The following AMPH variants were observed in gnomAD, a reference collection of about 807,000 sequenced individuals.
The protein encoded by AMPH is amphiphysin (Stiff-Mann syndrome with breast cancer 128kD autoantigen).
A neutral mutation model predicts 99.1 loss-of-function variants in AMPH; 49 were observed. The observed-to-expected ratio is 0.49, with a 90% CI of 0.39 to 0.63. AMPH has a LOEUF of 0.63. Ranked by LOEUF, AMPH falls within the 20% of genes least tolerant of loss-of-function variation. The probability of loss-of-function intolerance (pLI) is 0.00; values close to 1 mark genes in which losing one functional copy is unlikely to be tolerated. For synonymous variants in AMPH, 314 were observed against 317.3 expected (o/e 0.99, Z 0.11); for missense variants, 759 against 863.4 (o/e 0.88, Z 1.52).
At chr7:38,455,512 C>T (rs1295651809) in intron 11 of AMPH, among the ~76,000 whole-genome samples, 1 of 152,166 alleles carries the variant, frequency 6.6e-6, no homozygotes, top group Non-Finnish European at 1.5e-5. Flanking sequence ...TGGGATTCAA[C>T]AGAGAAGTGA....
At chr7:38,516,035 A>G (rs1789726344) in intron 2 of AMPH, among the ~76,000 whole-genome samples, 1 of 152,246 alleles carries the variant, frequency 6.6e-6, no homozygotes, top group Admixed American at 6.5e-5. Context: ...ATGAGCAAAG[A>G]AATGACCTGA....
At chr7:38,401,230 A>G (rs1784831825) in intron 17 of AMPH, among the ~76,000 whole-genome samples, 1 of 152,256 alleles carries the variant, frequency 6.6e-6, no homozygotes, top group Non-Finnish European at 1.5e-5. Flanking sequence ...TCAATAATTT[A>G]AATACTAAAC....
chr7:38,475,480 T>C, intron 6 of AMPH, 64 bp from the exon 7 acceptor site: 1 of 1,075,170 alleles, frequency 9.3e-7, no homozygotes, highest in Admixed American at 2.0e-5. Flanking sequence ...AACAGCATCA[T>C]TTAATGTAAA....
chr7:38,537,909 G>C (rs1191124418), intron 1 of AMPH, among the ~76,000 whole-genome samples: 1 of 152,128 alleles, frequency 6.6e-6, no homozygotes, highest in Non-Finnish European at 1.5e-5. Flanking sequence ...ATATGATTTG[G>C]TATATTAGCA....
intron 1 of AMPH, among the ~76,000 whole-genome samples, chr7:38,572,199 C>G (rs1371162535): frequency 2.6e-5 from 4 of 152,188 alleles, no homozygotes; most frequent in African/African-American, 9.7e-5. Flanking sequence ...GCCACCACAC[C>G]TGGCCAGGTG....
intron 2 of AMPH, among the ~76,000 whole-genome samples, chr7:38,526,621 AT>A (rs144077794): frequency 0.048 from 7,246 of 151,716 alleles, 230 homozygotes; most frequent in African/African-American, 0.084. Flanking sequence ...TGTTTAACTT[AT>A]TTTTACTACG....
intron 1 of AMPH, among the ~76,000 whole-genome samples, chr7:38,589,186 G>C (rs1792767997): frequency 6.6e-6 from 1 of 152,128 alleles, no homozygotes; most frequent in African/African-American, 2.4e-5. Context: ...CAGAGATTCA[G>C]ACCATAAAAA....
chr7:38,561,285 T>A (rs958970728), intron 1 of AMPH, among the ~76,000 whole-genome samples: 5 of 152,182 alleles, frequency 3.3e-5, no homozygotes, highest in African/African-American at 1.2e-4. Context: ...GTTTAATAGT[T>A]ATCAACATTC....
At chr7:38,528,396 C>A (rs1031826977) in intron 2 of AMPH, among the ~76,000 whole-genome samples, 1 of 152,094 alleles carries the variant, frequency 6.6e-6, no homozygotes, top group Non-Finnish European at 1.5e-5. Flanking sequence ...TTTTAAATCA[C>A]AAATCCACTT....
intron 1 of AMPH, among the ~76,000 whole-genome samples, chr7:38,621,868 T>C (rs944632055): frequency 6.6e-6 from 1 of 152,178 alleles, no homozygotes; most frequent in African/African-American, 2.4e-5. Context: ...AGAGATTTGG[T>C]CAATTTGTGT....
intron 11 of AMPH, among the ~76,000 whole-genome samples, chr7:38,445,623 T>C (rs2099527882): frequency 6.6e-6 from 1 of 152,216 alleles, no homozygotes; most frequent in African/African-American, 2.4e-5. Context: ...AGAAGATATA[T>C]GGGTGTTAAA....
chr7:38,485,971 GT>G (rs1451585619), intron 5 of AMPH, among the ~76,000 whole-genome samples: 3 of 151,878 alleles, frequency 2.0e-5, no homozygotes, highest in Non-Finnish European at 2.9e-5. Flanking sequence ...TAAGTGGAAA[GT>G]TTTAGTGATA....
At chr7:38,562,203 A>C (rs570796821) in intron 1 of AMPH, among the ~76,000 whole-genome samples, 1 of 152,192 alleles carries the variant, frequency 6.6e-6, no homozygotes, top group Non-Finnish European at 1.5e-5. Flanking sequence ...GAAAGAAAAA[A>C]AAATGGTTTG....
intron 2 of AMPH, among the ~76,000 whole-genome samples, chr7:38,519,263 G>A (rs1789866143): frequency 6.6e-6 from 1 of 152,184 alleles, no homozygotes; most frequent in Non-Finnish European, 1.5e-5. Context: ...GACTAAGACA[G>A]CATCTCTAGG....
chr7:38,594,861 A>T (rs906371809), intron 1 of AMPH, among the ~76,000 whole-genome samples: 1 of 152,170 alleles, frequency 6.6e-6, no homozygotes, highest in Non-Finnish European at 1.5e-5. Context: ...TTTTCAAATG[A>T]TGATCTTAGG....
chr7:38,506,126 G>C (rs1365365691), intron 2 of AMPH, among the ~76,000 whole-genome samples: 1 of 152,156 alleles, frequency 6.6e-6, no homozygotes, highest in African/African-American at 2.4e-5. Context: ...GGACCACAGA[G>C]CACAGCCACC....
At chr7:38,485,978 T>C (rs1788476006) in intron 5 of AMPH, among the ~76,000 whole-genome samples, 1 of 151,864 alleles carries the variant, frequency 6.6e-6, no homozygotes, top group African/African-American at 2.4e-5. Context: ...AAAGTTTTAG[T>C]GATAAACGCA....
chr7:38,441,838 A>ATATC (rs1245258939), intron 11 of AMPH, among the ~76,000 whole-genome samples: 12,235 of 107,502 alleles, frequency 0.11, 1,232 homozygotes, highest in East Asian at 0.25. Context: ...TATATATCAT[A>ATATC]TATCATATAT....
chr7:38,624,224 A>C (rs1794165003), intron 1 of AMPH, among the ~76,000 whole-genome samples: 1 of 152,154 alleles, frequency 6.6e-6, no homozygotes, highest in Non-Finnish European at 1.5e-5. Context: ...CTTGTCCTCA[A>C]GTACCTACAA....
Sources: gnomAD v4.1 joint callset for allele counts (sites outside exome capture counted in the v4.1 genomes callset) on GRCh38, gnomAD v4.1.1 for gene constraint, MANE v1.5 for transcripts, NCBI Gene and HGNC (gene_info 2026-07-23, HGNC 2026-07-21) for gene names.